Variants in SORT1 observed in about 807,000 individuals in gnomAD.
SORT1 encodes the protein sortilin.
A neutral mutation model predicts 101.7 loss-of-function variants in SORT1; 39 were observed. The observed-to-expected ratio is 0.38, with a 90% CI of 0.30 to 0.50. The LOEUF (loss-of-function observed/expected upper bound fraction) is 0.50, where lower values mean the gene tolerates loss of function less well. Ranked by LOEUF, SORT1 falls within the 20% of genes least tolerant of loss-of-function variation. SORT1 has a pLI of 0.90. For missense variants in SORT1, 878 were observed against 1,040.4 expected (o/e 0.84, Z 2.15); for synonymous variants, 396 against 393.7 (o/e 1.01, Z -0.07).
intron 3 of SORT1, among the ~76,000 whole-genome samples, chr1:109,361,245 A>G (rs1037458834): frequency 6.6e-6 from 1 of 152,218 alleles, no homozygotes; most frequent in Non-Finnish European, 1.5e-5. Flanking sequence ...TAAATATGCA[A>G]TTTCATTGCT....
intron 11 of SORT1, among the ~76,000 whole-genome samples, chr1:109,335,371 C>T (rs1648740669): frequency 6.6e-6 from 1 of 152,022 alleles, no homozygotes; most frequent in Non-Finnish European, 1.5e-5. Flanking sequence ...TGGGCAGGGC[C>T]AAGGCAGACA....
chr1:109,372,389 T>G (rs1651531925), intron 1 of SORT1, among the ~76,000 whole-genome samples: 1 of 152,302 alleles, frequency 6.6e-6, no homozygotes, highest in Admixed American at 6.5e-5. Context: ...TAGTGCACAG[T>G]GGGCACGCAA....
chr1:109,327,657 T>C (rs1027863581), intron 11 of SORT1, 56 bp from the exon 12 acceptor site: 5 of 1,197,298 alleles, frequency 4.2e-6, no homozygotes, highest in Admixed American at 2.4e-5. Flanking sequence ...ACAATTTCTT[T>C]AATCATTTCA....
At chr1:109,321,695 G>A (rs1647637544) in intron 15 of SORT1, among the ~76,000 whole-genome samples, 1 of 152,158 alleles carries the variant, frequency 6.6e-6, no homozygotes, top group African/African-American at 2.4e-5. Context: ...AAAGGGCCAT[G>A]GCTGCTATCT....
intron 10 of SORT1, among the ~76,000 whole-genome samples, chr1:109,338,419 C>T (rs756817017): frequency 6.6e-6 from 1 of 152,138 alleles, no homozygotes; most frequent in Non-Finnish European, 1.5e-5. Flanking sequence ...AAAACAGCCC[C>T]TACCTCCTAC....
chr1:109,372,299 T>C lies in SORT1; in HGVS notation c.307-2710A>G, dbSNP rs537219307. Reference sequence around the variant, plus strand: ...ACTTTTAATTGTAGCCACAAGAACCTTGCCTGTCCTCCCCACTAGACCTGA... The same window carrying C: ...ACTTTTAATTGTAGCCACAAGAACCCTGCCTGTCCTCCCCACTAGACCTGA... On this transcript the variant is annotated intron_variant, in intron 1 of 19. Transcript: ENST00000256637. 7.2e-5 allele frequency among the ~76,000 whole-genome samples: 11 copies of C among 152,340 alleles called. No homozygotes were observed. In the South Asian group the frequency reaches 2.3e-3, roughly 32 times the overall value.
chr1:109,379,571 G>A (rs1044762926), intron 1 of SORT1, among the ~76,000 whole-genome samples: 2 of 152,214 alleles, frequency 1.3e-5, no homozygotes, highest in Non-Finnish European at 2.9e-5. Flanking sequence ...CCAGTACCCT[G>A]AGGAGCCCAG....
At chr1:109,334,470 G>T (rs1648673449) in intron 11 of SORT1, among the ~76,000 whole-genome samples, 2 of 152,176 alleles carry the variant, frequency 1.3e-5, no homozygotes, top group African/African-American at 4.8e-5. Flanking sequence ...TTTATAAGTG[G>T]AATGTAAAAA....
chr1:109,331,764 G>A (rs1648468451), intron 11 of SORT1, among the ~76,000 whole-genome samples: 1 of 151,934 alleles, frequency 6.6e-6, no homozygotes, highest in Non-Finnish European at 1.5e-5. Flanking sequence ...CAGGTGACAT[G>A]AGCTTATATA....
chr1:109,351,340 T>C (rs1347875111), intron 5 of SORT1, among the ~76,000 whole-genome samples: 3 of 152,148 alleles, frequency 2.0e-5, no homozygotes, highest in Admixed American at 6.5e-5. Context: ...AGTTCAACAC[T>C]ATGCAGAGTT....
chr1:109,330,389 T>C (rs1648381426), intron 11 of SORT1, among the ~76,000 whole-genome samples: 1 of 148,130 alleles, frequency 6.8e-6, no homozygotes, highest in South Asian at 2.2e-4. Flanking sequence ...CAACATATTC[T>C]TGAACAACCA....
intron 2 of SORT1, among the ~76,000 whole-genome samples, chr1:109,369,323 CA>C (rs1651318365): frequency 6.6e-6 from 1 of 152,050 alleles, no homozygotes; most frequent in South Asian, 2.1e-4. Flanking sequence ...ACTCCGTCCC[CA>C]CCCCCCCGCA....
At chr1:109,376,891 A>G (rs991683049) in intron 1 of SORT1, among the ~76,000 whole-genome samples, 4 of 152,164 alleles carry the variant, frequency 2.6e-5, no homozygotes, top group African/African-American at 9.7e-5. Flanking sequence ...GAAAAATGCA[A>G]CTTTCAAAAA....
intron 11 of SORT1, among the ~76,000 whole-genome samples, chr1:109,335,230 AG>A (rs1648731426): frequency 6.6e-6 from 1 of 152,204 alleles, no homozygotes; most frequent in Admixed American, 6.5e-5. Flanking sequence ...TCAGGGACAG[AG>A]GCCATTCATC....
chr1:109,374,590 A>G (rs1439121913), intron 1 of SORT1, among the ~76,000 whole-genome samples: 1 of 149,624 alleles, frequency 6.7e-6, no homozygotes, highest in Admixed American at 6.6e-5. Context: ...CACCGTCTCA[A>G]AAAAAAAAAG....
At chr1:109,316,780 T>C (rs1647245279) in intron 17 of SORT1, 70 bp downstream of exon 17, 2 of 1,009,602 alleles carry the variant, frequency 2.0e-6, no homozygotes, top group Non-Finnish European at 3.0e-6. Flanking sequence ...CTTGATGCTT[T>C]AACTTTGATT....
chr1:109,320,551 C>G (rs900584597), intron 15 of SORT1, among the ~76,000 whole-genome samples: 1 of 152,248 alleles, frequency 6.6e-6, no homozygotes, highest in Non-Finnish European at 1.5e-5. Flanking sequence ...CATTGATGAG[C>G]TGCTTCTTCC....
chr1:109,354,558 C>T (rs959961663), intron 4 of SORT1, 27 bp from the exon 5 acceptor site: 2 of 1,589,088 alleles, frequency 1.3e-6, no homozygotes, highest in African/African-American at 2.7e-5. Flanking sequence ...AGATCTGATT[C>T]AGGGTATGAT....
chr1:109,366,720 A>G (rs1302273130), intron 3 of SORT1: 1 of 152,274 alleles, frequency 6.6e-6, no homozygotes, highest in Non-Finnish European at 1.5e-5. Flanking sequence ...CAGACTGGGC[A>G]ACATGGTGAA....
Sources: gnomAD v4.1 joint callset for allele counts (sites outside exome capture counted in the v4.1 genomes callset) on GRCh38, gnomAD v4.1.1 for gene constraint, MANE v1.5 for transcripts, NCBI Gene and HGNC (gene_info 2026-07-23, HGNC 2026-07-21) for gene names.